Variants in GBP5 observed in about 807,000 individuals in gnomAD.
GBP5 encodes guanylate-binding protein 5.
GBP5 carries 48 observed loss-of-function variants against 58.2 expected under a neutral mutation model. The ratio of observed to expected loss-of-function variants is 0.83; its 90% CI spans 0.65 to 1.05. GBP5 has a LOEUF of 1.05. Among genes scored for constraint, GBP5 ranks in the 50% least tolerant of loss-of-function variants. The pLI is 0.00. For missense variants in GBP5, 714 were observed against 686.8 expected (o/e 1.04, Z -0.44); for synonymous variants, 248 against 251.8 (o/e 0.98, Z 0.14).
At chr1:89,264,602 C>T in intron 8 of GBP5, 84 bp downstream of exon 8, 8 of 1,213,560 alleles carry the variant, frequency 6.6e-6, no homozygotes, top group Admixed American at 4.5e-5. Context: ...TATTTTTTTT[C>T]TTAGCTAAGT....
In GBP5 at chr1:89,258,311, A is replaced by G. The variant is rs1649857713; in HGVS notation, c.*2393T>C. ...AAACCTTAAATGACTTAATTTTCTGAGTCTCAGGATTTTAAAAAATTTCTT... is the reference window on the plus strand; with the variant it reads ...AAACCTTAAATGACTTAATTTTCTGGGTCTCAGGATTTTAAAAAATTTCTT... On this transcript the variant is annotated 3_prime_UTR_variant, in exon 12 of 12. Transcript: ENST00000370459. 6.6e-6 allele frequency among the ~76,000 whole-genome samples: 1 copy of G among 152,186 alleles called. No homozygotes were observed. Among genetic ancestry groups the G allele is most frequent in the Admixed American group, 6.5e-5 (1 of 15,286 alleles).
chr1:89,264,616 A>G (rs1650134196), intron 8 of GBP5, 70 bp downstream of exon 8: 2 of 1,383,052 alleles, frequency 1.4e-6, no homozygotes, highest in East Asian at 4.6e-5. Flanking sequence ...GCTAAGTCCT[A>G]TTTTATCATT....
rs377198386 is a variant in GBP5, at chr1:89,268,771, T to C, written c.276A>G (p.Thr92=). The C allele has an allele frequency of 2.5e-6, 4 of 1,613,922 alleles. No individual in the cohort carries two copies. In the African/African-American group the frequency reaches 4.0e-5, roughly 16 times the overall value. The part of the protein sequence containing the change: ...CVPHPNWPNH[T]LVLLDTEGLG... ...GGCCCTCGGTGTCAAGCAGAACTAATGTGTGATTTGGCCAGTTGGGATGAG... is the reference window on the plus strand; with the variant it reads ...GGCCCTCGGTGTCAAGCAGAACTAACGTGTGATTTGGCCAGTTGGGATGAG... The change falls in exon 4 of 12, where the codon ACA becomes ACG. Residue 92 remains threonine (T), a synonymous_variant. Transcript: ENST00000370459.
At chr1:89,269,002 T>C in intron 3 of GBP5, 146 bp from the exon 4 acceptor site, 1 of 794,358 alleles carries the variant, frequency 1.3e-6, no homozygotes, top group South Asian at 1.9e-5. Flanking sequence ...GATGCAGAAA[T>C]GGAAAAACAA....
chr1:89,257,651 G>T lies in GBP5; in HGVS notation c.*3053C>A, dbSNP rs1169756728. Among the ~76,000 whole-genome samples the T allele has an allele frequency of 6.6e-6, 1 of 152,050 alleles. No individual in the cohort carries two copies. Among genetic ancestry groups the T allele is most frequent in the Non-Finnish European group, 1.5e-5 (1 of 67,994 alleles). ...TAAAACAATACTAAATGTTTATAAG[G>T]TTTTTATGAGCAACAGGTGAATTAC... is the stretch of plus-strand genomic sequence containing the variant. On this transcript the variant is annotated 3_prime_UTR_variant, in exon 12 of 12. Coordinates refer to ENST00000370459, the MANE Select transcript of GBP5 (RefSeq NM_052942.5).
rs1650508500 is a variant in GBP5, at chr1:89,272,684, T to G, written c.-360A>C. 1 of 153,748 alleles carries G rather than the reference T, an allele frequency of 6.5e-6. No homozygotes were observed. The highest frequency in any genetic ancestry group is 1.4e-5 in the Non-Finnish European group (1 of 69,822). 9.5% of individuals were successfully genotyped at this position (153,748 alleles called of 1,614,324 possible). A position where few individuals can be genotyped will look rare whatever the true frequency, so the allele number is the denominator to read the frequency against. ...AGCTCTTAAGGCTGCGCGTCTGGAGTTGTTTGTTCCTCCTGGTGGGTTCGT... is the reference window on the plus strand; with the variant it reads ...AGCTCTTAAGGCTGCGCGTCTGGAGGTGTTTGTTCCTCCTGGTGGGTTCGT... On this transcript the variant is annotated 5_prime_UTR_variant, in exon 1 of 12. Transcript: ENST00000370459.
Position 89,266,361 on chromosome 1 carries a change from T to C in GBP5, c.853A>G (p.Met285Val), listed in dbSNP as rs761825347. The C allele has an allele frequency of 6.2e-7, 1 of 1,613,040 alleles. No homozygotes were observed. The highest frequency in any genetic ancestry group is 1.1e-5 in the South Asian group (1 of 91,054). The change falls in exon 7 of 12, where the codon ATG becomes GTG. Residue 285 changes from methionine (M) to valine (V), a missense_variant. Met to Val is a conservative substitution (Grantham distance 21, BLOSUM62 1). Coordinates refer to ENST00000370459, the MANE Select transcript of GBP5 (RefSeq NM_052942.5). ...SMTKTLPGGI[M>V]VNGSRLKNLV... ...TAATACTCACGAGATCCATTGACCA[T>C]GATGCCACCTGGAAGAGTCTTGGTC...
In GBP5 at chr1:89,262,290, A is replaced by G; in HGVS notation, c.1577T>C (p.Val526Ala). Residue 526 changes from valine (V) to alanine (A), a missense_variant, in exon 11 of 12, where the codon GTG becomes GCG. By Grantham distance (64) the Val-to-Ala change is moderately conservative. Coordinates refer to ENST00000370459, the MANE Select transcript of GBP5 (RefSeq NM_052942.5). Reference protein sequence around the residue: ...QERERLHQEQVRQMEIAKQNW... With the variant: ...QERERLHQEQARQMEIAKQNW... Reference sequence around the variant, plus strand: ...TTGTTTGGCTATCTCCATTTGTCTCACTTGTTCCTGATGGAGTCTCTCCCT... The same window carrying G: ...TTGTTTGGCTATCTCCATTTGTCTCGCTTGTTCCTGATGGAGTCTCTCCCT... 1 of 1,614,008 alleles carries G rather than the reference A, an allele frequency of 6.2e-7. No individual in the cohort carries two copies. The highest frequency in any genetic ancestry group is 1.7e-5 in the Admixed American group (1 of 60,008).
Position 89,258,377 on chromosome 1 carries a change from A to G in GBP5, c.*2327T>C, listed in dbSNP as rs957101331. Among the ~76,000 whole-genome samples, 2 of 152,246 alleles carry G rather than the reference A, an allele frequency of 1.3e-5. No individual in the cohort carries two copies. Among genetic ancestry groups the G allele is most frequent in the African/African-American group, 2.4e-5 (1 of 41,472 alleles). On this transcript the variant is annotated 3_prime_UTR_variant, in exon 12 of 12. Coordinates refer to ENST00000370459, the MANE Select transcript of GBP5 (RefSeq NM_052942.5). ...AGATATCAATATTTAATTTGGAGAT[A>G]GAGCTATTCTTTTTACTGATAACAT...
intron 1 of GBP5, 177 bp from the exon 2 acceptor site, chr1:89,271,039 T>C: frequency 6.6e-6 from 1 of 152,224 alleles, no homozygotes; most frequent in East Asian, 1.9e-4. Context: ...ATTTGACATG[T>C]TGTCCCCAAT....
chr1:89,271,415 G>C (rs1650445376), intron 1 of GBP5: 1 of 152,090 alleles, frequency 6.6e-6, no homozygotes, highest in South Asian at 2.1e-4. Flanking sequence ...TATAACTGCT[G>C]GCTTATGAAA....
rs1649906494 is a variant in GBP5 at position 89,259,399 on chromosome 1, C to G, written c.*1305G>C. ...GCTTTCAGCTTGGAATTTCTCTACG[C>G]AGATTGTCTATTGACAGTGCCAAGG... On this transcript the variant is annotated 3_prime_UTR_variant, in exon 12 of 12. Transcript: ENST00000370459. The G allele has an allele frequency of 6.6e-6, 1 of 152,160 alleles. No homozygotes were observed. Among genetic ancestry groups the G allele is most frequent in the Non-Finnish European group, 1.5e-5 (1 of 68,030 alleles). The allele number at this position is 152,160 out of a possible 1,614,324, so 9.4% of individuals were successfully genotyped here. A position where few individuals can be genotyped will look rare whatever the true frequency, so the allele number is the denominator to read the frequency against.
In GBP5 at chr1:89,266,448, G is replaced by A; in HGVS notation, c.766C>T (p.Leu256=). Residue 256 remains leucine, a synonymous_variant, in exon 7 of 12, where the codon CTA becomes TTA. Transcript: ENST00000370459. ...ACTTGTTGCACAAATTCAGGCTCTA[G>A]CTCATCATCAGGCAGTGTTTCAAGT... is the stretch of plus-strand genomic sequence containing the variant. ...AQLETLPDDE[L]EPEFVQQVTE... 4 of 1,614,104 alleles carry A rather than the reference G, an allele frequency of 2.5e-6. 1 individual carries two copies. In the South Asian group the frequency reaches 4.4e-5, roughly 18 times the overall value.
In GBP5 at chr1:89,262,248, T is replaced by A; in HGVS notation, c.1619A>T (p.Gln540Leu). 1 of 1,614,218 alleles carries A rather than the reference T, an allele frequency of 6.2e-7. No homozygotes were observed. The highest frequency in any genetic ancestry group is 8.5e-7 in the Non-Finnish European group (1 of 1,180,018). The change falls in exon 11 of 12, where the codon CAA becomes CTA. Residue 540 changes from glutamine to leucine, a missense_variant. Transcript: ENST00000370459. ...EIAKQNWLAE[Q>L]QKMQEQQMQE... Reference sequence around the variant, plus strand: ...CATCTGTTGTTCCTGCATTTTCTGTTGCTCTGCCAGCCAATTTTGTTTGGC... The same window carrying A: ...CATCTGTTGTTCCTGCATTTTCTGTAGCTCTGCCAGCCAATTTTGTTTGGC...
In GBP5 at chr1:89,267,401, TA is replaced by T. The variant is rs772622422; in HGVS notation, c.428+15del. 6 of 1,565,876 alleles carry T rather than the reference TA, an allele frequency of 3.8e-6. No individual in the cohort carries two copies. In the East Asian group the frequency reaches 1.3e-4, roughly 35 times the overall value. On this transcript the variant is annotated intron_variant, in intron 5 of 11. Coordinates refer to ENST00000370459, the MANE Select transcript of GBP5 (RefSeq NM_052942.5). The stretch of plus-strand genomic sequence containing the variant: ...TCTGTCGGACTTTGGTGCCATCCCA[TA>T]CCACAAAAGGATACTGCAGTAGGTC...
rs1291860651 is a variant in GBP5, at chr1:89,256,736, A to G, written c.*3968T>C. Among the ~76,000 whole-genome samples, 1 of 152,110 alleles carries G rather than the reference A, an allele frequency of 6.6e-6. No individual in the cohort carries two copies. The highest frequency in any genetic ancestry group is 1.5e-5 in the Non-Finnish European group (1 of 68,004). On this transcript the variant is annotated 3_prime_UTR_variant, in exon 12 of 12. Coordinates refer to ENST00000370459, the MANE Select transcript of GBP5 (RefSeq NM_052942.5). The stretch of plus-strand genomic sequence containing the variant: ...GCATTTTCATAGTTTTACATTTTAT[A>G]TTTTATCAATTTGGGTGTGGTTCCT...
intron 4 of GBP5, among the ~76,000 whole-genome samples, chr1:89,267,888 T>TA (rs1557504552): frequency 1.3e-5 from 2 of 152,302 alleles, no homozygotes; most frequent in Non-Finnish European, 2.9e-5. Flanking sequence ...TATCGAATTC[T>TA]AAAAAATAGT....
rs199800627 is a variant in GBP5 at position 89,269,443 on chromosome 1, A to G, written c.113T>C (p.Val38Ala). 4.5e-4 allele frequency: 723 copies of G among 1,614,088 alleles called. 13 individuals carry two copies. In the South Asian group the frequency reaches 7.4e-3, roughly 17 times the overall value. Residue 38 changes from valine (V) to alanine (A), a missense_variant, in exon 3 of 12, where the codon GTA (valine) becomes GCA (alanine). By Grantham distance (64) the Val-to-Ala change is moderately conservative. Coordinates refer to ENST00000370459, the MANE Select transcript of GBP5 (RefSeq NM_052942.5). ...GAGGCCCACAATCGCTACCACAACT[A>G]CAGGTTGCGTAATGGCAGACAGGAT... The part of the protein sequence containing the change: ...LEILSAITQP[V>A]VVVAIVGLYR...
In GBP5 at chr1:89,263,823, A is replaced by G. The variant is rs374220083; in HGVS notation, c.1275T>C (p.Tyr425=). ...PLEEAVKQGI[Y]SKPGGHNLFI... ...AGAGATTATGGCCTCCTGGCTTAGA[A>G]TAAATTCCCTGCTTCACTGCTTCTT... Residue 425 remains tyrosine (Y), a synonymous_variant, in exon 9 of 12, where the codon TAT becomes TAC. Coordinates refer to ENST00000370459, the MANE Select transcript of GBP5 (RefSeq NM_052942.5). 4.2e-5 allele frequency: 67 copies of G among 1,613,758 alleles called. No individual in the cohort carries two copies. In the African/African-American group the frequency reaches 7.5e-4, roughly 18 times the overall value.
Sources: gnomAD v4.1 joint callset for allele counts (sites outside exome capture counted in the v4.1 genomes callset) on GRCh38, gnomAD v4.1.1 for gene constraint, MANE v1.5 for transcripts, NCBI Gene and HGNC (gene_info 2026-07-23, HGNC 2026-07-21) for gene names.